Variants in CCDC30 observed in about 807,000 individuals in gnomAD.
CCDC30 encodes the protein coiled-coil domain containing 30, also known as coiled-coil domain-containing protein 30.
CCDC30 carries 70 observed loss-of-function variants against 100.2 expected under a neutral mutation model. The ratio of observed to expected loss-of-function variants is 0.70; its 90% CI spans 0.58 to 0.85. The LOEUF is 0.85. CCDC30 is among the 40% of genes least tolerant of loss of function. The pLI is 0.00. For missense variants in CCDC30, 652 were observed against 771.2 expected (o/e 0.85, Z 1.83); for synonymous variants, 233 against 269.5 (o/e 0.86, Z 1.33).
chr1:42,576,264 C>CA (rs1317273228), intron 7 of CCDC30, among the ~76,000 whole-genome samples: 4 of 151,554 alleles, frequency 2.6e-5, no homozygotes, highest in Middle Eastern at 3.4e-3. Flanking sequence ...AGAGTGGTGG[C>CA]AAAAAAAATG....
At chr1:42,621,497 TTTTATTTATTTA>T (rs148757100) in intron 11 of CCDC30, among the ~76,000 whole-genome samples, 5 of 145,192 alleles carry the variant, frequency 3.4e-5, no homozygotes, top group African/African-American at 7.6e-5. Flanking sequence ...GTTTATTTTA[TTTTATTTATTTA>T]TTTATTTATT....
At chr1:42,635,968 C>G (rs1192656983) in intron 11 of CCDC30, among the ~76,000 whole-genome samples, 1 of 152,200 alleles carries the variant, frequency 6.6e-6, no homozygotes, top group Non-Finnish European at 1.5e-5. Flanking sequence ...TCATTTTACT[C>G]TAGCCATCCT....
intron 4 of CCDC30, chr1:42,492,322 A>G (rs944097926): frequency 5.0e-5 from 10 of 198,942 alleles, no homozygotes; most frequent in Middle Eastern, 1.2e-3. Flanking sequence ...AGCTTTGCCT[A>G]TCTATTTATC....
intron 6 of CCDC30, among the ~76,000 whole-genome samples, chr1:42,539,941 C>T (rs188769105): frequency 4.0e-4 from 60 of 151,374 alleles, no homozygotes; most frequent in African/African-American, 1.3e-3. Context: ...AAAGAAAAGG[C>T]TACCTGGCCA....
intron 10 of CCDC30, chr1:42,595,112 G>A (rs1258906861): frequency 6.6e-6 from 1 of 151,398 alleles, no homozygotes. Flanking sequence ...CACTTTTCTT[G>A]CTATAAAGTG....
chr1:42,518,519 A>C (rs1373689012), intron 6 of CCDC30, among the ~76,000 whole-genome samples: 1 of 152,190 alleles, frequency 6.6e-6, no homozygotes. Flanking sequence ...AGATATACAA[A>C]TACCATTTTG....
In CCDC30 at chr1:42,514,204, G is replaced by A. The variant is rs531251032; in HGVS notation, c.456+15288G>A. Among the ~76,000 whole-genome samples, 29 of 152,272 alleles carry A rather than the reference G, an allele frequency of 1.9e-4. No homozygotes were observed. The South Asian group carries it at 6.0e-3, about 32-fold the overall frequency. On this transcript the variant is annotated intron_variant, in intron 6 of 16. Coordinates refer to ENST00000668663, the Ensembl canonical transcript of CCDC30. ...TATTATGAATAATTCTGTTATGAAT[G>A]TTCATTTATAAGTTTTTGTATGGAC...
At chr1:42,574,178 T>C (rs1050020970) in intron 7 of CCDC30, among the ~76,000 whole-genome samples, 6 of 152,154 alleles carry the variant, frequency 3.9e-5, no homozygotes, top group South Asian at 2.1e-4. Context: ...AGAGTTTGTA[T>C]TAAGTTACAA....
At chr1:42,607,289 A>G (rs1646519836) in intron 10 of CCDC30, among the ~76,000 whole-genome samples, 1 of 152,150 alleles carries the variant, frequency 6.6e-6, no homozygotes, top group Non-Finnish European at 1.5e-5. Flanking sequence ...TGGTTTGTTA[A>G]TTTTAGGAAG....
chr1:42,481,112 T>TA (rs145002073), intron 2 of CCDC30, among the ~76,000 whole-genome samples: 20,787 of 144,582 alleles, frequency 0.14, 1,528 homozygotes, highest in East Asian at 0.18. Flanking sequence ...CCTCATCTCT[T>TA]AAAAAAAAAA....
chr1:42,517,900 A>G (rs1025572685), intron 6 of CCDC30, among the ~76,000 whole-genome samples: 1 of 152,198 alleles, frequency 6.6e-6, no homozygotes, highest in Non-Finnish European at 1.5e-5. Context: ...GAAATCAGAA[A>G]GTGTGAGTCC....
chr1:42,535,728 A>AATATATATTATATATAT (rs1644891837), intron 6 of CCDC30, among the ~76,000 whole-genome samples: 2 of 109,528 alleles, frequency 1.8e-5, no homozygotes, highest in African/African-American at 6.9e-5. Context: ...TAAATTTTAA[A>AATATATATTATATATAT]AAATTAAAAA....
chr1:42,495,342 T>G (rs1212338904), intron 4 of CCDC30, among the ~76,000 whole-genome samples: 2 of 151,498 alleles, frequency 1.3e-5, no homozygotes, highest in East Asian at 3.9e-4. Flanking sequence ...AACATGACAC[T>G]CTGGGGACTG....
intron 6 of CCDC30, among the ~76,000 whole-genome samples, chr1:42,558,711 G>A (rs1378926332): frequency 6.6e-6 from 1 of 152,056 alleles, no homozygotes; most frequent in Admixed American, 6.6e-5. Flanking sequence ...GAAATAAGCT[G>A]GAAAACACAC....
At chr1:42,490,823 C>A (rs1644127224) in intron 4 of CCDC30, among the ~76,000 whole-genome samples, 1 of 152,158 alleles carries the variant, frequency 6.6e-6, no homozygotes, top group African/African-American at 2.4e-5. Context: ...ATATGTCTGA[C>A]TCCCAAACCT....
intron 6 of CCDC30, among the ~76,000 whole-genome samples, chr1:42,552,633 G>A (rs970549854): frequency 2.0e-5 from 3 of 152,084 alleles, no homozygotes; most frequent in African/African-American, 7.2e-5. Flanking sequence ...TGAGGTAATT[G>A]CAGGAGGAAG....
intron 6 of CCDC30, chr1:42,537,069 C>A: frequency 2.5e-6 from 1 of 405,142 alleles, no homozygotes; most frequent in Non-Finnish European, 4.9e-6. Context: ...CAGTCCATAG[C>A]ACTGTAGAAT....
Position 42,545,302 on chromosome 1 carries a change from A to T in CCDC30, c.457-20994A>T, listed in dbSNP as rs1287722252. ...GCCTTCAATTAGGATGTCATTTTATATTATATAAGCCAATAGTTAAGCATT... is the reference window on the plus strand; with the variant it reads ...GCCTTCAATTAGGATGTCATTTTATTTTATATAAGCCAATAGTTAAGCATT... On this transcript the variant is annotated intron_variant, in intron 6 of 16. Coordinates refer to ENST00000668663, the Ensembl canonical transcript of CCDC30. 5.0e-6 allele frequency: 4 copies of T among 803,280 alleles called. No homozygotes were observed. In the Admixed American group the frequency reaches 1.5e-4, roughly 31 times the overall value. 49.8% of individuals were successfully genotyped at this position (803,280 alleles called of 1,614,324 possible).
intron 6 of CCDC30, among the ~76,000 whole-genome samples, chr1:42,559,605 A>G (rs892278900): frequency 3.9e-5 from 6 of 152,228 alleles, no homozygotes; most frequent in Non-Finnish European, 5.9e-5. Context: ...TATTCTAAAT[A>G]TATATTCAAC....
Sources: allele counts gnomAD v4.1 joint callset (sites outside exome capture counted in the v4.1 genomes callset), GRCh38; gene constraint gnomAD v4.1.1; transcripts MANE v1.5; gene names NCBI Gene and HGNC (gene_info 2026-07-23, HGNC 2026-07-21).